Variants in SPAG16 observed in about 807,000 individuals in gnomAD.
The protein encoded by SPAG16 is sperm-associated antigen 16 protein.
SPAG16 carries 86 observed loss-of-function variants against 80.4 expected under a neutral mutation model. The ratio of observed to expected loss-of-function variants is 1.07; its 90% CI spans 0.90 to 1.28. SPAG16 has a LOEUF of 1.28. Among genes scored for constraint, SPAG16 ranks in the 50% most tolerant of loss-of-function variants. The probability of loss-of-function intolerance (pLI) is 0.00; values close to 1 mark genes in which losing one functional copy is unlikely to be tolerated. For synonymous variants in SPAG16, 294 were observed against 265.9 expected (o/e 1.11, Z -1.03); for missense variants, 870 against 765.3 (o/e 1.14, Z -1.61).
chr2:214,247,048 C>A (rs1209694575), intron 15 of SPAG16, among the ~76,000 whole-genome samples: 3 of 152,022 alleles, frequency 2.0e-5, no homozygotes, highest in Admixed American at 6.6e-5. Context: ...CACAACACTG[C>A]ATCATAGGAG....
At chr2:213,562,411 T>G (rs2059622520) in intron 10 of SPAG16, among the ~76,000 whole-genome samples, 1 of 152,208 alleles carries the variant, frequency 6.6e-6, no homozygotes, top group Non-Finnish European at 1.5e-5. Context: ...TAACTCCTCT[T>G]TTTCTGGAAA....
chr2:214,160,055 C>T (rs1052691298), intron 15 of SPAG16, among the ~76,000 whole-genome samples: 3 of 151,820 alleles, frequency 2.0e-5, no homozygotes, highest in African/African-American at 7.2e-5. Flanking sequence ...CAAATTGAAA[C>T]AATAGACATG....
chr2:213,327,441 C>T (rs1249052725), intron 5 of SPAG16, among the ~76,000 whole-genome samples: 5 of 152,040 alleles, frequency 3.3e-5, no homozygotes, highest in East Asian at 3.8e-4. Flanking sequence ...AGGTCTAATA[C>T]TTCAGTCAAT....
In SPAG16 at chr2:213,471,359, T is replaced by C. The variant is rs367896061; in HGVS notation, c.943-18604T>C. Among the ~76,000 whole-genome samples the C allele has an allele frequency of 2.3e-4, 35 of 152,250 alleles. 3 individuals are homozygous for C. In the South Asian group the frequency reaches 7.3e-3, roughly 32 times the overall value. On this transcript the variant is annotated intron_variant, in intron 9 of 15. Transcript: ENST00000331683. ...CGTATATACCACTTCCATTTGATGATGGAATGCTGCTGTGCGTGCCCCACT... is the reference window on the plus strand; with the variant it reads ...CGTATATACCACTTCCATTTGATGACGGAATGCTGCTGTGCGTGCCCCACT...
rs114677168 is a variant in SPAG16, at chr2:214,114,543, A to G, written c.1593+6282A>G. ...TCCCCCTGCCAGGCTGAAGCCTCACAGTTGGATCTCAGACTGCTGTACTAG... is the reference window on the plus strand; with the variant it reads ...TCCCCCTGCCAGGCTGAAGCCTCACGGTTGGATCTCAGACTGCTGTACTAG... On this transcript the variant is annotated intron_variant, in intron 14 of 15. Transcript: ENST00000331683. Among the ~76,000 whole-genome samples the G allele has an allele frequency of 9.1e-3, 1,382 of 152,286 alleles. 22 individuals carry two copies. The highest frequency in any genetic ancestry group is 0.031 in the African/African-American group (1,305 of 41,568).
rs921654563 is a variant in SPAG16 at position 214,401,946 on chromosome 2, A to G, written c.1721-8194A>G. ...GAAATTTAAAGTTTTGATAGATATA[A>G]CATTTAATAATTCTCATTAAAAATG... On this transcript the variant is annotated intron_variant, in intron 15 of 15. Transcript: ENST00000331683. Among the ~76,000 whole-genome samples, 8 of 152,058 alleles carry G rather than the reference A, an allele frequency of 5.3e-5. No individual in the cohort carries two copies. In the South Asian group the frequency reaches 1.5e-3, roughly 28 times the overall value.
intron 10 of SPAG16, among the ~76,000 whole-genome samples, chr2:213,735,505 C>T (rs1348862361): frequency 6.6e-6 from 1 of 152,184 alleles, no homozygotes; most frequent in East Asian, 1.9e-4. Flanking sequence ...CCATGCGATT[C>T]ATCAACTGAA....
At chr2:213,876,496 T>TATAAATGAA (rs1382023418) in intron 11 of SPAG16, among the ~76,000 whole-genome samples, 1 of 152,136 alleles carries the variant, frequency 6.6e-6, no homozygotes, top group Non-Finnish European at 1.5e-5. Flanking sequence ...ATAAGTCACA[T>TATAAATGAA]ATAAATGAAG....
intron 8 of SPAG16, among the ~76,000 whole-genome samples, chr2:213,371,076 C>G (rs1472748465): frequency 6.6e-6 from 1 of 152,098 alleles, no homozygotes; most frequent in Non-Finnish European, 1.5e-5. Context: ...TCTGTCACGT[C>G]TCCAGTTGCT....
At chr2:213,848,905 T>C (rs559963077) in intron 10 of SPAG16, among the ~76,000 whole-genome samples, 4 of 152,144 alleles carry the variant, frequency 2.6e-5, no homozygotes, top group Non-Finnish European at 4.4e-5. Flanking sequence ...TATTCAGTCT[T>C]AGGAATTTTT....
At chr2:213,646,261 G>A (rs1017457785) in intron 10 of SPAG16, among the ~76,000 whole-genome samples, 1 of 152,148 alleles carries the variant, frequency 6.6e-6, no homozygotes. Context: ...CTTCAGTGTA[G>A]ATAGCTGTTA....
intron 15 of SPAG16, among the ~76,000 whole-genome samples, chr2:214,346,095 G>T (rs1161819189): frequency 6.6e-6 from 1 of 152,176 alleles, no homozygotes; most frequent in African/African-American, 2.4e-5. Context: ...TGTGTATTCA[G>T]CTTTAATAAT....
At chr2:213,678,128 G>A (rs553006908) in intron 10 of SPAG16, among the ~76,000 whole-genome samples, 143 of 152,180 alleles carry the variant, frequency 9.4e-4, no homozygotes, top group Admixed American at 3.1e-3. Context: ...AGTGTGTAGA[G>A]GGAAATTTAT....
chr2:213,904,367 C>G (rs2077347250), intron 11 of SPAG16, among the ~76,000 whole-genome samples: 1 of 151,990 alleles, frequency 6.6e-6, no homozygotes, highest in Non-Finnish European at 1.5e-5. Flanking sequence ...TACATAGTGG[C>G]AGCAAGAGAA....
intron 9 of SPAG16, among the ~76,000 whole-genome samples, chr2:213,385,639 A>C (rs1474169124): frequency 1.3e-5 from 2 of 152,186 alleles, no homozygotes; most frequent in African/African-American, 4.8e-5. Flanking sequence ...GTATTGTCTC[A>C]TAAGACAGAA....
intron 10 of SPAG16, among the ~76,000 whole-genome samples, chr2:213,810,203 T>C (rs920361295): frequency 6.6e-6 from 1 of 152,154 alleles, no homozygotes; most frequent in African/African-American, 2.4e-5. Flanking sequence ...GAATATAACA[T>C]TATTATTTTG....
intron 13 of SPAG16, among the ~76,000 whole-genome samples, chr2:214,021,104 A>G (rs2047840637): frequency 6.6e-6 from 1 of 152,178 alleles, no homozygotes; most frequent in Non-Finnish European, 1.5e-5. Context: ...AATTAGGAAT[A>G]TTTGTGTTTT....
At chr2:214,045,733 C>G (rs2049284138) in intron 13 of SPAG16, among the ~76,000 whole-genome samples, 1 of 152,108 alleles carries the variant, frequency 6.6e-6, no homozygotes, top group Non-Finnish European at 1.5e-5. Context: ...AAGTTTATAG[C>G]TTTAAGTGCC....
intron 15 of SPAG16, among the ~76,000 whole-genome samples, chr2:214,206,929 TA>T (rs2058161763): frequency 6.6e-6 from 1 of 152,278 alleles, no homozygotes; most frequent in African/African-American, 2.4e-5. Flanking sequence ...GAGATTGATG[TA>T]AAAAATTAAT....
Sources: allele counts gnomAD v4.1 joint callset (sites outside exome capture counted in the v4.1 genomes callset), GRCh38; gene constraint gnomAD v4.1.1; transcripts MANE v1.5; gene names NCBI Gene and HGNC (gene_info 2026-07-23, HGNC 2026-07-21).